SYT16: variants seen among roughly 807,000 people sequenced by gnomAD.
SYT16 encodes synaptotagmin 16.
Under a neutral mutation model 61.4 loss-of-function variants are expected in SYT16, and 42 were observed. That is an observed-to-expected ratio of 0.68 (90% CI 0.53 to 0.89). The LOEUF is 0.89. SYT16 is among the 40% of genes least tolerant of loss of function. The probability of loss-of-function intolerance (pLI) is 0.00; values close to 1 mark genes in which losing one functional copy is unlikely to be tolerated. For synonymous variants in SYT16, 314 were observed against 302.3 expected, an observed-to-expected ratio of 1.04 and a Z score of -0.40; for missense variants, 804 against 807.3, an observed-to-expected ratio of 1.00 and a Z score of 0.05.
chr14:61,980,972 G>GTA (rs1223038356), intron 2 of SYT16, among the ~76,000 whole-genome samples: 1 of 151,788 alleles, frequency 6.6e-6, no homozygotes, highest in East Asian at 1.9e-4. Context: ...GTGTGTGTGT[G>GTA]TGTGGTTGTG....
intron 7 of SYT16, among the ~76,000 whole-genome samples, chr14:62,086,554 T>C (rs1457660015): frequency 6.6e-6 from 1 of 152,234 alleles, no homozygotes; most frequent in East Asian, 1.9e-4. Context: ...CTCAGTTTCC[T>C]CATCTATAAA....
Position 61,990,997 on chromosome 14 carries a change from T to A in SYT16, c.-144-4879T>A, listed in dbSNP as rs187184446. Among the ~76,000 whole-genome samples the A allele has an allele frequency of 2.2e-3, 337 of 152,312 alleles. 2 individuals carry two copies. The highest frequency in any genetic ancestry group is 7.6e-3 in the African/African-American group (318 of 41,582). On this transcript the variant is annotated intron_variant, in intron 2 of 7. Transcript: ENST00000683842. ...TAGAATTCCAATTAAACCAAGATTT[T>A]AAAAAAGTAGCCTTTAAGAATATAT...
chr14:61,931,145 G>A (rs544238354), intron 1 of SYT16, among the ~76,000 whole-genome samples: 4 of 152,208 alleles, frequency 2.6e-5, no homozygotes, highest in South Asian at 2.1e-4. Context: ...AAGGCTTTCA[G>A]TGGCTCCCCT....
intron 1 of SYT16, among the ~76,000 whole-genome samples, chr14:61,958,616 A>G (rs1397045632): frequency 1.3e-5 from 2 of 151,980 alleles, no homozygotes; most frequent in African/African-American, 4.8e-5. Context: ...TGAAAAATGT[A>G]TTTGTAATGA....
intron 1 of SYT16, among the ~76,000 whole-genome samples, chr14:61,857,990 C>T (rs1315075998): frequency 1.3e-5 from 2 of 151,826 alleles, no homozygotes; most frequent in Admixed American, 1.3e-4. Flanking sequence ...GTAGATCATA[C>T]ATTCACAAGA....
At chr14:61,992,966 A>AT (rs935693349) in intron 2 of SYT16, among the ~76,000 whole-genome samples, 5 of 151,758 alleles carry the variant, frequency 3.3e-5, no homozygotes, top group African/African-American at 1.2e-4. Flanking sequence ...ATCAAAATTC[A>AT]TTTTTTACAA....
At chr14:61,951,212 G>A (rs1430767406) in intron 1 of SYT16, among the ~76,000 whole-genome samples, 1 of 152,132 alleles carries the variant, frequency 6.6e-6, no homozygotes, top group Non-Finnish European at 1.5e-5. Flanking sequence ...ACAAGAAAAT[G>A]TGTTGTCTGA....
chr14:62,047,485 G>A (rs530076221), intron 3 of SYT16, among the ~76,000 whole-genome samples: 1 of 152,186 alleles, frequency 6.6e-6, no homozygotes, highest in Non-Finnish European at 1.5e-5. Context: ...CTGCCTGATT[G>A]CCCTGGCCAG....
intron 1 of SYT16, among the ~76,000 whole-genome samples, chr14:61,899,795 G>A (rs1012656817): frequency 6.6e-6 from 1 of 152,160 alleles, no homozygotes; most frequent in Non-Finnish European, 1.5e-5. Flanking sequence ...GATGTGAGGA[G>A]GTTCCTTTAT....
Position 62,102,707 on chromosome 14 carries a change from C to T in SYT16, c.*2000C>T, listed in dbSNP as rs2057444703. The T allele has an allele frequency of 6.6e-6, 1 of 152,190 alleles. No individual in the cohort carries two copies. The highest frequency in any genetic ancestry group is 1.9e-4 in the East Asian group (1 of 5,200). 9.4% of individuals were successfully genotyped at this position (152,190 alleles called of 1,614,324 possible). A position where few individuals can be genotyped will look rare whatever the true frequency, so the allele number is the denominator to read the frequency against. On this transcript the variant is annotated 3_prime_UTR_variant, in exon 8 of 8. Coordinates refer to ENST00000683842, the MANE Select transcript of SYT16 (RefSeq NM_001367656.1). Reference sequence around the variant, plus strand: ...TATGCAGTAACATAATAGCAGCATTCATTTTAAAATTTACATTTGAAAAAA... The same window carrying T: ...TATGCAGTAACATAATAGCAGCATTTATTTTAAAATTTACATTTGAAAAAA...
In SYT16 at chr14:62,107,161, T is replaced by C. The variant is rs920168867; in HGVS notation, c.*6454T>C. On this transcript the variant is annotated 3_prime_UTR_variant, in exon 8 of 8. Coordinates refer to ENST00000683842, the MANE Select transcript of SYT16 (RefSeq NM_001367656.1). ...CAAAAAGATCTTTATAGGTTGGGCA[T>C]GGTGGCTCACACCTGTAATCCCAGA... 1 of 151,876 alleles carries C rather than the reference T, an allele frequency of 6.6e-6. No homozygotes were observed. Among genetic ancestry groups the C allele is most frequent in the East Asian group, 1.9e-4 (1 of 5,194 alleles). 9.4% of individuals were successfully genotyped at this position (151,876 alleles called of 1,614,324 possible).
chr14:62,041,501 C>T (rs2054728904), intron 3 of SYT16, among the ~76,000 whole-genome samples: 3 of 152,112 alleles, frequency 2.0e-5, no homozygotes, highest in African/African-American at 7.2e-5. Flanking sequence ...ATACAGAAAA[C>T]TCTGGGCCAT....
chr14:61,934,465 G>A (rs17099345), intron 1 of SYT16, among the ~76,000 whole-genome samples: 22,059 of 152,186 alleles, frequency 0.14, 2,372 homozygotes, highest in African/African-American at 0.3. Flanking sequence ...ATGTAATACC[G>A]GAATTGAGGC....
chr14:61,886,559 A>G (rs2140328211), intron 1 of SYT16, among the ~76,000 whole-genome samples: 1 of 152,358 alleles, frequency 6.6e-6, no homozygotes, highest in South Asian at 2.1e-4. Context: ...TGTAAGAAGC[A>G]CTTCTTCATT....
chr14:62,040,501 A>G (rs1286413014), intron 3 of SYT16, among the ~76,000 whole-genome samples: 1 of 152,142 alleles, frequency 6.6e-6, no homozygotes, highest in Non-Finnish European at 1.5e-5. Context: ...CAGGACTGAC[A>G]TTAACATTTT....
chr14:61,986,675 T>TA (rs1357596577), intron 2 of SYT16, among the ~76,000 whole-genome samples: 1 of 152,100 alleles, frequency 6.6e-6, no homozygotes, highest in East Asian at 1.9e-4. Context: ...TTAGAACAGA[T>TA]ACTTTCATAG....
chr14:62,069,859 A>G (rs1566817930), intron 4 of SYT16, 44 bp downstream of exon 4: 19 of 1,589,250 alleles, frequency 1.2e-5, no homozygotes, highest in Non-Finnish European at 1.5e-5. Flanking sequence ...GGGATGGCCA[A>G]TGGTAAGAGT....
In SYT16 at chr14:61,939,003, C is replaced by T. The variant is rs573848955; in HGVS notation, c.-324-31129C>T. On this transcript the variant is annotated intron_variant, in intron 1 of 7. Transcript: ENST00000683842. ...TACAAAAATTAGCTGGGCATGGTGG[C>T]GGGTGCCTATAATCCCAGCTACTTG... Among the ~76,000 whole-genome samples the T allele has an allele frequency of 5.3e-5, 8 of 152,172 alleles. No individual in the cohort carries two copies. The South Asian group carries it at 1.2e-3, about 24-fold the overall frequency.
rs1010843620 is a variant in SYT16, at chr14:62,109,020, T to A, written c.*8313T>A. ...ATTTGTTACAACTGATGAACCTTCATTGACATAACATTATCACCCAAAGTG... is the reference window on the plus strand; with the variant it reads ...ATTTGTTACAACTGATGAACCTTCAATGACATAACATTATCACCCAAAGTG... On this transcript the variant is annotated 3_prime_UTR_variant, in exon 8 of 8. Transcript: ENST00000683842. 6.6e-6 allele frequency: 1 copy of A among 152,230 alleles called. No homozygotes were observed. Among genetic ancestry groups the A allele is most frequent in the African/African-American group, 2.4e-5 (1 of 41,472 alleles). 9.4% of individuals were successfully genotyped at this position (152,230 alleles called of 1,614,324 possible). A position where few individuals can be genotyped will look rare whatever the true frequency, so the allele number is the denominator to read the frequency against.
Sources: gnomAD v4.1 joint callset for allele counts (sites outside exome capture counted in the v4.1 genomes callset) on GRCh38, gnomAD v4.1.1 for gene constraint, MANE v1.5 for transcripts, NCBI Gene and HGNC (gene_info 2026-07-23, HGNC 2026-07-21) for gene names.